ULK2: variants seen among roughly 807,000 people sequenced by gnomAD.
ULK2 encodes the protein serine/threonine-protein kinase ULK2.
In ULK2, 76 loss-of-function variants were observed where a neutral mutation model predicts 127.5. The observed-to-expected ratio is 0.60, with a 90% CI of 0.50 to 0.72. ULK2 has a LOEUF of 0.72. Ranked by LOEUF, ULK2 falls within the 30% of genes least tolerant of loss-of-function variation. The pLI is 0.00. For synonymous variants in ULK2, 452 were observed against 461.9 expected, an observed-to-expected ratio of 0.98 and a Z score of 0.28; for missense variants, 1,144 against 1,295.9, an observed-to-expected ratio of 0.88 and a Z score of 1.80.
intron 3 of ULK2, among the ~76,000 whole-genome samples, chr17:19,862,047 C>T (rs2042253666): frequency 6.6e-6 from 1 of 152,108 alleles, no homozygotes; most frequent in Non-Finnish European, 1.5e-5. Flanking sequence ...AGAAGATATA[C>T]ATAATTCTTA....
chr17:19,829,766 G>A (rs2041390927), intron 10 of ULK2, among the ~76,000 whole-genome samples: 1 of 150,612 alleles, frequency 6.6e-6, no homozygotes, highest in Non-Finnish European at 1.5e-5. Context: ...AACCTAGGAG[G>A]CGGAGGTTGT....
At chr17:19,796,436 G>T in intron 18 of ULK2, 154 bp from the exon 19 acceptor site, 1 of 692,456 alleles carries the variant, frequency 1.4e-6, no homozygotes, top group Non-Finnish European at 2.1e-6. Context: ...AACCTTCTTG[G>T]AAGGCCGGGA....
At chr17:19,776,728 G>A (rs951871004) in intron 26 of ULK2, among the ~76,000 whole-genome samples, 2 of 151,962 alleles carry the variant, frequency 1.3e-5, no homozygotes, top group African/African-American at 4.8e-5. Context: ...CAGATTATTG[G>A]GCTTGTATGT....
rs907876688 is a variant in ULK2, at chr17:19,867,566, G to C, written c.-149C>G. ...GGGCCCGGGCGGACTCTCATGCCGA[G>C]AGACCGGAGCGGAAACTGGGGAAGC... On this transcript the variant is annotated 5_prime_UTR_variant, in exon 1 of 27. Coordinates refer to ENST00000395544, the MANE Select transcript of ULK2 (RefSeq NM_014683.4). The C allele has an allele frequency of 2.6e-6, 1 of 387,746 alleles. No individual in the cohort carries two copies. The highest frequency in any genetic ancestry group is 4.2e-6 in the Non-Finnish European group (1 of 237,494). 24.0% of individuals were successfully genotyped at this position (387,746 alleles called of 1,614,324 possible). A position where few individuals can be genotyped will look rare whatever the true frequency, so the allele number is the denominator to read the frequency against.
At chr17:19,861,860 C>T (rs922001875) in intron 3 of ULK2, among the ~76,000 whole-genome samples, 11 of 152,202 alleles carry the variant, frequency 7.2e-5, no homozygotes, top group Non-Finnish European at 1.5e-4. Flanking sequence ...TAACAGCTAT[C>T]TGAACAGGTA....
chr17:19,785,977 G>A lies in ULK2; in HGVS notation c.2211C>T (p.Pro737=), dbSNP rs144159037. Residue 737 remains proline, a synonymous_variant, in exon 21 of 27, where the codon CCC becomes CCT. Coordinates refer to ENST00000395544, the MANE Select transcript of ULK2 (RefSeq NM_014683.4). ...TTCGAAGGAACATGTGGGTACAAGT[G>A]GGGGCTGCCGCACTGTGTGGAGGAG... is the stretch of plus-strand genomic sequence containing the variant. ...VGSPPHSAAA[P]TCTHMFLRTR... 5 of 1,596,258 alleles carry A rather than the reference G, an allele frequency of 3.1e-6. No homozygotes were observed. Among genetic ancestry groups the A allele is most frequent in the South Asian group, 1.1e-5 (1 of 89,402 alleles).
intron 10 of ULK2, among the ~76,000 whole-genome samples, chr17:19,836,877 C>T (rs965842641): frequency 6.6e-6 from 1 of 152,138 alleles, no homozygotes; most frequent in Admixed American, 6.5e-5. Context: ...TGCACTCCAG[C>T]CTGGGCGACA....
chr17:19,811,222 G>A (rs1288095133), intron 13 of ULK2: 1 of 152,134 alleles, frequency 6.6e-6, no homozygotes, highest in Admixed American at 6.6e-5. Context: ...TTGTCTATAG[G>A]AGAATTGAGA....
chr17:19,785,433 G>A (rs576770896), intron 21 of ULK2, among the ~76,000 whole-genome samples: 4 of 151,056 alleles, frequency 2.6e-5, no homozygotes, highest in Non-Finnish European at 4.4e-5. Flanking sequence ...CGCTGGTCTC[G>A]AGTTCCTGGC....
At chr17:19,861,974 C>T (rs2042251757) in intron 3 of ULK2, among the ~76,000 whole-genome samples, 1 of 152,206 alleles carries the variant, frequency 6.6e-6, no homozygotes, top group Non-Finnish European at 1.5e-5. Context: ...TAACACTGTG[C>T]ATGCTATTTG....
chr17:19,841,640 T>C (rs914383448), intron 8 of ULK2, 93 bp from the exon 9 acceptor site: 17 of 962,052 alleles, frequency 1.8e-5, no homozygotes, highest in East Asian at 5.6e-5. Context: ...TTTTAAGGGA[T>C]TGAGGGAGTG....
chr17:19,827,902 C>T (rs887649340), intron 10 of ULK2, among the ~76,000 whole-genome samples: 3 of 149,654 alleles, frequency 2.0e-5, no homozygotes, highest in African/African-American at 7.4e-5. Flanking sequence ...AAGGGCGAAA[C>T]TCTGTCTCAA....
intron 13 of ULK2, chr17:19,811,325 C>T (rs964739276): frequency 2.6e-5 from 4 of 151,198 alleles, no homozygotes; most frequent in Non-Finnish European, 4.4e-5. Context: ...AATTTTCAAA[C>T]GAAATTAAAT....
intron 10 of ULK2, among the ~76,000 whole-genome samples, chr17:19,829,430 G>C (rs1021830386): frequency 6.6e-6 from 1 of 151,516 alleles, no homozygotes; most frequent in East Asian, 1.9e-4. Context: ...CCAGCTACTT[G>C]AGGGGCAGAG....
Position 19,783,867 on chromosome 17 carries a change from T to C in ULK2, c.2290A>G (p.Ser764Gly). Residue 764 changes from serine (S) to glycine (G), a missense_variant, in exon 22 of 27, where the codon AGT (serine) becomes GGT (glycine). This residue lies in a region of ULK2 where 913 missense variants were observed against 970.5 expected (regional missense o/e 0.94). Transcript: ENST00000395544. ...SNSGGSLCAM[S>G]GRVCVGSPPG... The stretch of plus-strand genomic sequence containing the variant: ...GGGGACCCCACGCACACGCGGCCAC[T>C]CATGGCACAAAGAGAGCCCCCGGAG... The C allele has an allele frequency of 1.3e-6, 2 of 1,568,102 alleles. No individual in the cohort carries two copies. The highest frequency in any genetic ancestry group is 2.3e-5 in the East Asian group (1 of 43,132).
intron 21 of ULK2, 41 bp from the exon 22 acceptor site, chr17:19,783,946 G>A: frequency 7.3e-7 from 1 of 1,375,294 alleles, no homozygotes; most frequent in African/African-American, 1.5e-5. Flanking sequence ...TCCAGAGTTA[G>A]GGCTTTCACA....
intron 9 of ULK2, chr17:19,840,565 AT>A: frequency 1.4e-5 from 3 of 220,612 alleles, no homozygotes; most frequent in African/African-American, 2.4e-5. Flanking sequence ...TCTATTAATC[AT>A]TTAAAAAAAA....
chr17:19,776,483 C>T, intron 26 of ULK2, 76 bp from the exon 27 acceptor site: 1 of 1,281,992 alleles, frequency 7.8e-7, no homozygotes, highest in East Asian at 2.7e-5. Flanking sequence ...ATCTTTGCCC[C>T]AAAGTTAACA....
intron 14 of ULK2, among the ~76,000 whole-genome samples, chr17:19,808,407 C>T (rs544164697): frequency 1.3e-5 from 2 of 152,062 alleles, no homozygotes; most frequent in Admixed American, 1.3e-4. Context: ...AAAGCACAGG[C>T]AACAAAACAA....
Sources: allele counts gnomAD v4.1 joint callset (sites outside exome capture counted in the v4.1 genomes callset), GRCh38; gene constraint gnomAD v4.1.1; regional missense constraint gnomAD v4.1.1; transcripts MANE v1.5; gene names NCBI Gene and HGNC (gene_info 2026-07-23, HGNC 2026-07-21).